The following AHCYL2 variants were observed in gnomAD, a reference collection of about 807,000 sequenced individuals.
AHCYL2 encodes the protein S-adenosylhomocysteine hydrolase-like protein 2.
AHCYL2 carries 28 observed loss-of-function variants against 81.4 expected under a neutral mutation model. That is an observed-to-expected ratio of 0.34 (90% CI 0.25 to 0.47). The LOEUF (loss-of-function observed/expected upper bound fraction) is 0.47. Ranked by LOEUF, AHCYL2 falls within the 20% of genes least tolerant of loss-of-function variation. The pLI is 1.00. For synonymous variants in AHCYL2, 272 were observed against 290.2 expected (o/e 0.94, Z 0.64); for missense variants, 551 against 785.1 (o/e 0.70, Z 3.56).
At chr7:129,403,860 CAAAAAAAAAAA>C (rs34806455) in intron 7 of AHCYL2, among the ~76,000 whole-genome samples, 25 of 80,214 alleles carry the variant, frequency 3.1e-4, no homozygotes, top group South Asian at 2.3e-3. Context: ...GACTCCATCT[CAAAAAAAAAAA>C]AAAAAAAAAA....
At chr7:129,375,607 AAAAC>A in intron 1 of AHCYL2, 1 of 1,322,450 alleles carries the variant, frequency 7.6e-7, no homozygotes, top group Non-Finnish European at 9.6e-7. Context: ...GTTTAGGAAA[AAAAC>A]AAGTAAAAGC....
chr7:129,347,880 C>A (rs1465992307), intron 1 of AHCYL2, among the ~76,000 whole-genome samples: 1 of 152,196 alleles, frequency 6.6e-6, no homozygotes, highest in African/African-American at 2.4e-5. Flanking sequence ...AGTGGCATTT[C>A]ATACTTGAAA....
intron 10 of AHCYL2, among the ~76,000 whole-genome samples, chr7:129,407,712 G>A (rs901131520): frequency 6.6e-6 from 1 of 152,198 alleles, no homozygotes; most frequent in Non-Finnish European, 1.5e-5. Flanking sequence ...TGCTGAGAAT[G>A]AATAAGATGA....
At chr7:129,292,024 A>G (rs1211627884) in intron 1 of AHCYL2, among the ~76,000 whole-genome samples, 2 of 152,140 alleles carry the variant, frequency 1.3e-5, no homozygotes, top group Non-Finnish European at 2.9e-5. Flanking sequence ...GTATTAAGAC[A>G]AACAATTATG....
intron 1 of AHCYL2, among the ~76,000 whole-genome samples, chr7:129,274,010 T>TA (rs1796109915): frequency 6.6e-6 from 1 of 152,216 alleles, no homozygotes; most frequent in African/African-American, 2.4e-5. Context: ...AAAAGAAGGT[T>TA]AATTCAGAAA....
intron 1 of AHCYL2, among the ~76,000 whole-genome samples, chr7:129,273,321 C>CAT (rs1554472912): frequency 1.3e-5 from 1 of 75,888 alleles, no homozygotes; most frequent in Non-Finnish European, 2.2e-5. Flanking sequence ...TTTGCTAAGA[C>CAT]TTTTTTTTTT....
chr7:129,379,619 C>G lies in AHCYL2; in HGVS notation c.364-19C>G. Reference sequence around the variant, plus strand: ...ATGGAGGTTCTTTTTCTTTATATAACTAGGTTTCTTTTTCTTAGCAGATCC... The same window carrying G: ...ATGGAGGTTCTTTTTCTTTATATAAGTAGGTTTCTTTTTCTTAGCAGATCC... On this transcript the variant is annotated intron_variant, in intron 1 of 16. Transcript: ENST00000325006. 1 of 1,598,104 alleles carries G rather than the reference C, an allele frequency of 6.3e-7. No homozygotes were observed. Among genetic ancestry groups the G allele is most frequent in the East Asian group, 2.2e-5 (1 of 44,752 alleles).
At chr7:129,354,979 T>G (rs1262038948) in intron 1 of AHCYL2, among the ~76,000 whole-genome samples, 1 of 152,186 alleles carries the variant, frequency 6.6e-6, no homozygotes, top group African/African-American at 2.4e-5. Flanking sequence ...TAAAATTTAT[T>G]TGTAACCCCA....
chr7:129,390,919 C>T (rs1293228263), intron 4 of AHCYL2, among the ~76,000 whole-genome samples: 2 of 151,770 alleles, frequency 1.3e-5, no homozygotes, highest in Admixed American at 1.3e-4. Flanking sequence ...TTGCAGTGTC[C>T]CTGAACTATC....
At chr7:129,299,668 C>T (rs1439672525) in intron 1 of AHCYL2, among the ~76,000 whole-genome samples, 1 of 152,126 alleles carries the variant, frequency 6.6e-6, no homozygotes, top group Non-Finnish European at 1.5e-5. Flanking sequence ...GCTGGGATTA[C>T]AGGCATGAGC....
intron 1 of AHCYL2, among the ~76,000 whole-genome samples, chr7:129,258,423 T>C (rs1261239207): frequency 6.6e-6 from 1 of 152,190 alleles, no homozygotes; most frequent in East Asian, 1.9e-4. Flanking sequence ...ACATTAATAA[T>C]TCATTGGGAG....
chr7:129,295,786 C>T (rs1467094949), intron 1 of AHCYL2, among the ~76,000 whole-genome samples: 2 of 152,170 alleles, frequency 1.3e-5, no homozygotes, highest in Non-Finnish European at 2.9e-5. Context: ...AATGCATGCT[C>T]TTAGTAGAAC....
At chr7:129,353,432 A>G (rs967615524) in intron 1 of AHCYL2, among the ~76,000 whole-genome samples, 1 of 151,902 alleles carries the variant, frequency 6.6e-6, no homozygotes, top group Non-Finnish European at 1.5e-5. Flanking sequence ...TCCTAGTTCA[A>G]ATGTTATCAC....
At chr7:129,226,628 G>A (rs1381108329) in intron 1 of AHCYL2, among the ~76,000 whole-genome samples, 2 of 152,136 alleles carry the variant, frequency 1.3e-5, no homozygotes, top group African/African-American at 2.4e-5. Context: ...TTGTCATAGC[G>A]TCATGATTAA....
At chr7:129,312,493 C>T (rs768708987) in intron 1 of AHCYL2, among the ~76,000 whole-genome samples, 2 of 152,080 alleles carry the variant, frequency 1.3e-5, no homozygotes, top group East Asian at 1.9e-4. Flanking sequence ...ACTGCAGCCT[C>T]GAATTTCTGG....
chr7:129,352,061 T>G (rs1793586231), intron 1 of AHCYL2, among the ~76,000 whole-genome samples: 1 of 152,028 alleles, frequency 6.6e-6, no homozygotes, highest in Admixed American at 6.6e-5. Flanking sequence ...TTTAATGAAC[T>G]GGGAAGTACA....
chr7:129,421,134 C>T (rs974654455), intron 12 of AHCYL2, among the ~76,000 whole-genome samples: 1 of 152,104 alleles, frequency 6.6e-6, no homozygotes, highest in Admixed American at 6.5e-5. Flanking sequence ...TGCCTATAAT[C>T]CCAGCTATTC....
intron 1 of AHCYL2, among the ~76,000 whole-genome samples, chr7:129,271,760 G>A (rs542145749): frequency 1.6e-4 from 25 of 152,262 alleles, no homozygotes; most frequent in African/African-American, 6.0e-4. Flanking sequence ...AAATGTCATA[G>A]AAAAGATAGG....
chr7:129,322,656 A>T (rs1343705401), intron 1 of AHCYL2, among the ~76,000 whole-genome samples: 1 of 151,984 alleles, frequency 6.6e-6, no homozygotes, highest in Non-Finnish European at 1.5e-5. Flanking sequence ...CAGTGGCATG[A>T]TCTCTGCTCA....
Sources: gnomAD v4.1 joint callset for allele counts (sites outside exome capture counted in the v4.1 genomes callset) on GRCh38, gnomAD v4.1.1 for gene constraint, MANE v1.5 for transcripts, NCBI Gene and HGNC (gene_info 2026-07-23, HGNC 2026-07-21) for gene names.